GMDS: variants seen among roughly 807,000 people sequenced by gnomAD.
The protein encoded by GMDS is GDP-mannose 4,6 dehydratase.
GMDS carries 20 observed loss-of-function variants against 49.9 expected under a neutral mutation model. That is an observed-to-expected ratio of 0.40 (90% CI 0.28 to 0.58). The LOEUF (loss-of-function observed/expected upper bound fraction) is 0.58, where lower values mean the gene tolerates loss of function less well. Ranked by LOEUF, GMDS falls within the 20% of genes least tolerant of loss-of-function variation. The probability of loss-of-function intolerance (pLI) is 0.42; values close to 1 mark genes in which losing one functional copy is unlikely to be tolerated. For missense variants in GMDS, 362 were observed against 481.4 expected (o/e 0.75, Z 2.32); for synonymous variants, 177 against 178.6 (o/e 0.99, Z 0.07).
chr6:1,776,215 T>C (rs1768827891), intron 7 of GMDS, among the ~76,000 whole-genome samples: 1 of 152,206 alleles, frequency 6.6e-6, no homozygotes. Context: ...ATAAAGACCA[T>C]TTCTCTTTCC....
At chr6:1,828,563 T>A (rs188079507) in intron 7 of GMDS, among the ~76,000 whole-genome samples, 118 of 152,304 alleles carry the variant, frequency 7.7e-4, no homozygotes, top group Middle Eastern at 3.4e-3. Flanking sequence ...TCATCACATA[T>A]AAGGGATCTT....
chr6:2,205,479 C>T (rs1457081423), intron 1 of GMDS, among the ~76,000 whole-genome samples: 1 of 152,212 alleles, frequency 6.6e-6, no homozygotes, highest in African/African-American at 2.4e-5. Flanking sequence ...CAGCGTGGCC[C>T]TCTGGAGTAG....
chr6:1,833,558 C>T lies in GMDS; in HGVS notation c.772-90972G>A. On this transcript the variant is annotated intron_variant, in intron 7 of 10. Transcript: ENST00000380815. The surrounding 1 kb of genome is among the most constrained non-coding windows in gnomAD (Gnocchi z 4.4). ...CCTTCTCCTCCCCTTCCTGAGGGAA[C>T]ATAACACAAGGTAATTAAATTGTAA... 6.6e-6 allele frequency among the ~76,000 whole-genome samples: 1 copy of T among 151,760 alleles called. No individual in the cohort carries two copies. Among genetic ancestry groups the T allele is most frequent in the East Asian group, 1.9e-4 (1 of 5,190 alleles).
intron 4 of GMDS, among the ~76,000 whole-genome samples, chr6:1,972,505 C>T (rs926909999): frequency 6.6e-6 from 1 of 152,100 alleles, no homozygotes; most frequent in Non-Finnish European, 1.5e-5. Context: ...AATCAACTTA[C>T]TTAATGGAAT....
intron 4 of GMDS, among the ~76,000 whole-genome samples, chr6:2,072,522 G>A (rs149323843): frequency 5.6e-4 from 86 of 152,320 alleles, no homozygotes; most frequent in African/African-American, 2.0e-3. Flanking sequence ...TAGGAGTAGG[G>A]AGTGGATTCT....
intron 4 of GMDS, among the ~76,000 whole-genome samples, chr6:2,025,988 T>C (rs866323885): frequency 6.6e-6 from 1 of 152,222 alleles, no homozygotes; most frequent in Non-Finnish European, 1.5e-5. Flanking sequence ...TCCTTAGAAC[T>C]TTTTTACATT....
intron 6 of GMDS, chr6:1,931,064 T>C (rs1311909608): frequency 6.6e-6 from 1 of 152,244 alleles, no homozygotes; most frequent in African/African-American, 2.4e-5. Flanking sequence ...AAGGCACTTC[T>C]GAGACAGTTT....
At chr6:1,876,690 TCAATATAAATATAAATA>T (rs1430798084) in intron 7 of GMDS, among the ~76,000 whole-genome samples, 1 of 152,232 alleles carries the variant, frequency 6.6e-6, no homozygotes, top group Non-Finnish European at 1.5e-5. Context: ...TTCTGGAAAC[TCAATATAAATATAAATA>T]CAATATAAAT....
chr6:1,989,650 G>T (rs894425846), intron 4 of GMDS, among the ~76,000 whole-genome samples: 1 of 152,088 alleles, frequency 6.6e-6, no homozygotes, highest in South Asian at 2.1e-4. Flanking sequence ...TCCTCCTAGG[G>T]TCCCCTGCCA....
At chr6:1,867,568 C>T (rs938245421) in intron 7 of GMDS, among the ~76,000 whole-genome samples, 4 of 152,166 alleles carry the variant, frequency 2.6e-5, no homozygotes, top group African/African-American at 9.7e-5. Flanking sequence ...CTTACTGACA[C>T]CTACCCAGCC....
chr6:1,677,947 A>C (rs899225063), intron 9 of GMDS, among the ~76,000 whole-genome samples: 3 of 152,162 alleles, frequency 2.0e-5, no homozygotes, highest in African/African-American at 7.2e-5. Flanking sequence ...AAGTATAATA[A>C]AAAAATAAAT....
intron 1 of GMDS, among the ~76,000 whole-genome samples, chr6:2,164,704 T>C (rs1237937693): frequency 6.6e-6 from 1 of 152,232 alleles, no homozygotes; most frequent in East Asian, 1.9e-4. Context: ...TCAATTTGCA[T>C]CATAATACAG....
At chr6:2,003,814 A>G (rs1412320848) in intron 4 of GMDS, among the ~76,000 whole-genome samples, 1 of 152,196 alleles carries the variant, frequency 6.6e-6, no homozygotes, top group Non-Finnish European at 1.5e-5. Context: ...GGTCAGGGCC[A>G]TTAAGTTACT....
chr6:2,154,703 A>G (rs909224527), intron 1 of GMDS, among the ~76,000 whole-genome samples: 1 of 151,938 alleles, frequency 6.6e-6, no homozygotes, highest in Non-Finnish European at 1.5e-5. Context: ...TACTTCAATA[A>G]ACATATGCCC....
chr6:2,001,264 A>G (rs185322860), intron 4 of GMDS, among the ~76,000 whole-genome samples: 7 of 152,266 alleles, frequency 4.6e-5, no homozygotes, highest in East Asian at 3.9e-4. Flanking sequence ...ATCTTTTCAC[A>G]TGCTTATTGG....
At chr6:1,770,417 C>T (rs922603786) in intron 7 of GMDS, among the ~76,000 whole-genome samples, 2 of 152,234 alleles carry the variant, frequency 1.3e-5, no homozygotes, top group Non-Finnish European at 2.9e-5. Flanking sequence ...AAGGAACTAT[C>T]GAATCTTGTT....
intron 4 of GMDS, among the ~76,000 whole-genome samples, chr6:2,062,195 G>A (rs1416637392): frequency 1.3e-5 from 2 of 152,140 alleles, no homozygotes; most frequent in African/African-American, 2.4e-5. Flanking sequence ...GCTTCTTAGT[G>A]GCCCAAGAGA....
At chr6:1,689,076 T>G (rs943587181) in intron 9 of GMDS, among the ~76,000 whole-genome samples, 5 of 152,228 alleles carry the variant, frequency 3.3e-5, no homozygotes, top group Admixed American at 6.5e-5. Flanking sequence ...TAAGCACCAG[T>G]GACCTTTTAC....
At position 2,125,658 on chromosome 6, in the gene GMDS, T is replaced by C. The variant is rs549472482; in HGVS notation, c.103-927A>G. On this transcript the variant is annotated intron_variant, in intron 1 of 10. Coordinates refer to ENST00000380815, the MANE Select transcript of GMDS (RefSeq NM_001500.4). ...AGATGGGAACTAGGTGGGTTGGGGA[T>C]ATAGAAGGGCTAGTGTGGAGAGGAA... is the stretch of plus-strand genomic sequence containing the variant. Among the ~76,000 whole-genome samples, 17 of 151,936 alleles carry C rather than the reference T, an allele frequency of 1.1e-4. No homozygotes were observed. The South Asian group carries it at 3.5e-3, about 32-fold the overall frequency.
Sources: allele counts gnomAD v4.1 joint callset (sites outside exome capture counted in the v4.1 genomes callset), GRCh38; gene constraint gnomAD v4.1.1; non-coding constraint Gnocchi (gnomAD v3.1); transcripts MANE v1.5; gene names NCBI Gene and HGNC (gene_info 2026-07-23, HGNC 2026-07-21).